HHAT: variants seen among roughly 807,000 people sequenced by gnomAD.
HHAT encodes the protein protein-cysteine N-palmitoyltransferase HHAT.
In HHAT, 47 loss-of-function variants were observed where a neutral mutation model predicts 70.8. The observed-to-expected ratio is 0.66, with a 90% CI of 0.53 to 0.85. The LOEUF is 0.85. Ranked by LOEUF, HHAT falls within the 40% of genes least tolerant of loss-of-function variation. The probability of loss-of-function intolerance (pLI) is 0.00; values close to 1 mark genes in which losing one functional copy is unlikely to be tolerated. For synonymous variants in HHAT, 228 were observed against 247.6 expected, an observed-to-expected ratio of 0.92 and a Z score of 0.74; for missense variants, 609 against 604.8, an observed-to-expected ratio of 1.01 and a Z score of -0.07.
At chr1:210,653,838 A>T (rs192034962) in intron 11 of HHAT, among the ~76,000 whole-genome samples, 4 of 6,528 alleles carry the variant, frequency 6.1e-4, no homozygotes, top group Admixed American at 2.3e-3. Context: ...CTGCTTGTTG[A>T]GGGAGGGTCT....
chr1:210,544,373 T>C (rs954466334), intron 9 of HHAT, among the ~76,000 whole-genome samples: 1 of 135,812 alleles, frequency 7.4e-6, no homozygotes. Flanking sequence ...TTTCGTTTTT[T>C]TTTTTTTTTT....
chr1:210,496,084 G>GTTTT (rs35707126), intron 8 of HHAT, among the ~76,000 whole-genome samples: 3 of 136,898 alleles, frequency 2.2e-5, no homozygotes, highest in Non-Finnish European at 3.1e-5. Context: ...AAAGAGTAAA[G>GTTTT]TTTTTTTTTT....
chr1:210,547,975 AC>A (rs912294995), intron 9 of HHAT, among the ~76,000 whole-genome samples: 2 of 152,206 alleles, frequency 1.3e-5, no homozygotes, highest in African/African-American at 4.8e-5. Flanking sequence ...GTGGGTATAA[AC>A]AACTGTATAA....
chr1:210,497,384 G>C (rs540043249), intron 8 of HHAT, among the ~76,000 whole-genome samples: 1 of 152,318 alleles, frequency 6.6e-6, no homozygotes, highest in Non-Finnish European at 1.5e-5. Context: ...GAAGTCTCTA[G>C]TTAAACAGTT....
chr1:210,501,498 GGTTGGAAGGCT>G (rs1288776423), intron 8 of HHAT, among the ~76,000 whole-genome samples: 1 of 152,196 alleles, frequency 6.6e-6, no homozygotes, highest in Non-Finnish European at 1.5e-5. Flanking sequence ...TGGAGTGGAG[GGTTGGAAGGCT>G]GTTGGAAGCT....
intron 8 of HHAT, among the ~76,000 whole-genome samples, chr1:210,500,561 G>A (rs1177318964): frequency 6.6e-6 from 1 of 152,118 alleles, no homozygotes; most frequent in Non-Finnish European, 1.5e-5. Context: ...AATTTTTGGG[G>A]CATCATGGAG....
chr1:210,356,119 G>T (rs1323971199), intron 2 of HHAT, among the ~76,000 whole-genome samples: 1 of 151,152 alleles, frequency 6.6e-6, no homozygotes, highest in African/African-American at 2.4e-5. Flanking sequence ...TGGAGACAGG[G>T]TCTTGCTATG....
rs10535187 is a variant in HHAT at position 210,429,593 on chromosome 1, ATTT to A, written c.856+11277_856+11279del. On this transcript the variant is annotated intron_variant, in intron 7 of 11. Transcript: ENST00000261458. ...TCTAGAGTCCTGATTTAATAAAACAATTTTTTTTTTTGCAAAAATAACTTCATA... is the reference window on the plus strand; with the variant it reads ...TCTAGAGTCCTGATTTAATAAAACAATTTTTTTTGCAAAAATAACTTCATA... Among the ~76,000 whole-genome samples, 52 of 150,302 alleles carry A rather than the reference ATTT, an allele frequency of 3.5e-4. 1 individual carries two copies. Among genetic ancestry groups the A allele is most frequent in the South Asian group, 6.3e-4 (3 of 4,794 alleles).
rs2095644379 is a variant in HHAT, at chr1:210,563,709, A to G, written c.1044-24189A>G. ...GATACTTCTCTGATATTTTCCCCTC[A>G]GCCCATTGTTATTCTGTTCCATAAC... On this transcript the variant is annotated intron_variant, in intron 9 of 11. Coordinates refer to ENST00000261458, the MANE Select transcript of HHAT (RefSeq NM_018194.6). 2.6e-5 allele frequency among the ~76,000 whole-genome samples: 4 copies of G among 152,170 alleles called. No individual in the cohort carries two copies. In the South Asian group the frequency reaches 8.3e-4, roughly 32 times the overall value.
At chr1:210,468,353 A>G (rs1240599818) in intron 8 of HHAT, among the ~76,000 whole-genome samples, 1 of 152,180 alleles carries the variant, frequency 6.6e-6, no homozygotes, top group Non-Finnish European at 1.5e-5. Context: ...AAGCGATAGA[A>G]TTTCCCATGG....
At chr1:210,369,083 AAAAG>A (rs1385527146) in intron 3 of HHAT, among the ~76,000 whole-genome samples, 2 of 152,050 alleles carry the variant, frequency 1.3e-5, no homozygotes, top group African/African-American at 4.8e-5. Flanking sequence ...TGTCTCAAAA[AAAAG>A]AAAGAAAAAA....
In HHAT at chr1:210,404,826, A is replaced by G. The variant is rs918816561; in HGVS notation, c.684+147A>G. On this transcript the variant is annotated intron_variant, in intron 6 of 11. Coordinates refer to ENST00000261458, the MANE Select transcript of HHAT (RefSeq NM_018194.6). Reference sequence around the variant, plus strand: ...TATTAGTTCTCATGAGGTTTTTTGTAATAGATGAAATACATATGAGAAATG... The same window carrying G: ...TATTAGTTCTCATGAGGTTTTTTGTGATAGATGAAATACATATGAGAAATG... 40 of 616,330 alleles carry G rather than the reference A, an allele frequency of 6.5e-5. No individual in the cohort carries two copies. The African/African-American group carries it at 6.7e-4, about 10-fold the overall frequency. The allele number at this position is 616,330 out of a possible 1,614,324, so 38.2% of individuals were successfully genotyped here.
intron 10 of HHAT, among the ~76,000 whole-genome samples, chr1:210,621,104 A>G (rs958059614): frequency 3.3e-5 from 5 of 152,114 alleles, no homozygotes; most frequent in East Asian, 1.9e-4. Flanking sequence ...CCCTGCCCCA[A>G]GTATCAGCTC....
rs752019349 is a variant in HHAT at position 210,348,959 on chromosome 1, C to T, written c.-17C>T. On this transcript the variant is annotated 5_prime_UTR_variant, in exon 2 of 12. Coordinates refer to ENST00000261458, the MANE Select transcript of HHAT (RefSeq NM_018194.6). ...AACTCTCAGCGTAGGCATCGGGAAC[C>T]TTCGTGCCAAGGAGCCATGCTGCCC... 2.5e-6 allele frequency: 4 copies of T among 1,612,680 alleles called. No individual in the cohort carries two copies. In the South Asian group the frequency reaches 4.4e-5, roughly 18 times the overall value.
chr1:210,588,118 G>C lies in HHAT; in HGVS notation c.1245+19G>C, dbSNP rs4297293. 0.99 allele frequency: 1,562,041 copies of C among 1,575,756 alleles called. 775,046 individuals are homozygous for C. The highest frequency in any genetic ancestry group is 1 in the East Asian group (43,924 of 43,924). On this transcript the variant is annotated intron_variant, in intron 10 of 11. Transcript: ENST00000261458. ...CAGTCTGGTGAGCAGGATCCTTGCT[G>C]CTGTGTTAGGGGACAGTGGAACTAG...
intron 2 of HHAT, among the ~76,000 whole-genome samples, chr1:210,357,456 A>G (rs1242209983): frequency 6.6e-6 from 1 of 152,232 alleles, no homozygotes; most frequent in African/African-American, 2.4e-5. Flanking sequence ...GTTTATTACC[A>G]TTAGAACATA....
intron 9 of HHAT, among the ~76,000 whole-genome samples, chr1:210,554,527 T>A (rs2095555726): frequency 6.6e-6 from 1 of 152,018 alleles, no homozygotes. Flanking sequence ...TCCCTGTGTG[T>A]GATTTGTGGG....
In HHAT at chr1:210,674,549, A is replaced by T; in HGVS notation, c.*170A>T. 2 of 584,448 alleles carry T rather than the reference A, an allele frequency of 3.4e-6. No individual in the cohort carries two copies. The highest frequency in any genetic ancestry group is 6.1e-6 in the Non-Finnish European group (2 of 329,042). The allele number at this position is 584,448 out of a possible 1,614,324, so 36.2% of individuals were successfully genotyped here. A position where few individuals can be genotyped will look rare whatever the true frequency, so the allele number is the denominator to read the frequency against. Reference sequence around the variant, plus strand: ...TCTCATAGAAAATTCACAGCCAGACAATCTTCTAATCTGGAGTCTTTGAGA... The same window carrying T: ...TCTCATAGAAAATTCACAGCCAGACTATCTTCTAATCTGGAGTCTTTGAGA... On this transcript the variant is annotated 3_prime_UTR_variant, in exon 12 of 12. Coordinates refer to ENST00000261458, the MANE Select transcript of HHAT (RefSeq NM_018194.6).
intron 9 of HHAT, among the ~76,000 whole-genome samples, chr1:210,584,459 C>T (rs1375125993): frequency 3.3e-5 from 5 of 152,178 alleles, no homozygotes; most frequent in Non-Finnish European, 5.9e-5. Flanking sequence ...GATGGGCCAG[C>T]AGTTACCTCC....
Sources: gnomAD v4.1 joint callset for allele counts (sites outside exome capture counted in the v4.1 genomes callset) on GRCh38, gnomAD v4.1.1 for gene constraint, MANE v1.5 for transcripts, NCBI Gene and HGNC (gene_info 2026-07-23, HGNC 2026-07-21) for gene names.